AGBL4: variants seen among roughly 807,000 people sequenced by gnomAD.
AGBL4 encodes cytosolic carboxypeptidase 6.
Under a neutral mutation model 66.4 loss-of-function variants are expected in AGBL4, and 58 were observed. That is an observed-to-expected ratio of 0.87 (90% CI 0.71 to 1.09). The LOEUF (loss-of-function observed/expected upper bound fraction) is 1.09. Among genes scored for constraint, AGBL4 ranks in the 50% least tolerant of loss-of-function variants. AGBL4 has a pLI of 0.00. For missense variants in AGBL4, 579 were observed against 631.0 expected, an observed-to-expected ratio of 0.92 and a Z score of 0.88; for synonymous variants, 234 against 222.9, an observed-to-expected ratio of 1.05 and a Z score of -0.44.
chr1:49,044,774 CA>C (rs1454856763), intron 5 of AGBL4, among the ~76,000 whole-genome samples: 21 of 152,272 alleles, frequency 1.4e-4, no homozygotes, highest in African/African-American at 3.8e-4. Flanking sequence ...TGATAGCTCT[CA>C]AGATGGAAGG....
chr1:49,398,301 G>GAGTC (rs1198665431), intron 3 of AGBL4, among the ~76,000 whole-genome samples: 1 of 150,240 alleles, frequency 6.7e-6, no homozygotes, highest in African/African-American at 2.4e-5. Flanking sequence ...GGCAAAGGAA[G>GAGTC]AGTCAGTCAG....
chr1:49,419,122 C>T (rs1221838734), intron 3 of AGBL4, among the ~76,000 whole-genome samples: 1 of 152,050 alleles, frequency 6.6e-6, no homozygotes, highest in African/African-American at 2.4e-5. Flanking sequence ...TTCTTCTTTA[C>T]AATACCAAAG....
intron 4 of AGBL4, among the ~76,000 whole-genome samples, chr1:49,124,235 A>T (rs529189690): frequency 6.6e-6 from 1 of 152,350 alleles, no homozygotes; most frequent in African/African-American, 2.4e-5. Context: ...GAGAAAAATT[A>T]ATTAAACTAT....
intron 3 of AGBL4, among the ~76,000 whole-genome samples, chr1:49,260,546 C>T (rs1228077810): frequency 2.0e-5 from 3 of 151,958 alleles, no homozygotes; most frequent in South Asian, 2.1e-4. Context: ...ACAAATAAAC[C>T]AGAAAATCTA....
At chr1:49,655,152 T>C (rs1646097247) in intron 3 of AGBL4, among the ~76,000 whole-genome samples, 1 of 152,184 alleles carries the variant, frequency 6.6e-6, no homozygotes, top group Non-Finnish European at 1.5e-5. Flanking sequence ...TCTCTCAGCA[T>C]TTGCTTGTCT....
At chr1:49,802,155 G>A (rs1170698757) in intron 2 of AGBL4, among the ~76,000 whole-genome samples, 1 of 152,194 alleles carries the variant, frequency 6.6e-6, no homozygotes, top group Non-Finnish European at 1.5e-5. Flanking sequence ...TGGACGTGCA[G>A]TCAGGGAGTT....
chr1:48,567,095 T>C (rs554586624), intron 11 of AGBL4, among the ~76,000 whole-genome samples: 1 of 152,352 alleles, frequency 6.6e-6, no homozygotes, highest in African/African-American at 2.4e-5. Context: ...TCTGTTTACC[T>C]TCATCAGGTC....
chr1:49,538,493 C>T (rs764569908), intron 3 of AGBL4, among the ~76,000 whole-genome samples: 46 of 152,218 alleles, frequency 3.0e-4, no homozygotes, highest in South Asian at 2.1e-4. Context: ...GCAATATATC[C>T]GTGTAACAAA....
At chr1:49,348,648 A>G (rs1479223913) in intron 3 of AGBL4, among the ~76,000 whole-genome samples, 1 of 152,194 alleles carries the variant, frequency 6.6e-6, no homozygotes, top group East Asian at 1.9e-4. Context: ...TTTTGGCCCA[A>G]TTATATGGAT....
chr1:49,041,604 G>A (rs1184329626), intron 5 of AGBL4, among the ~76,000 whole-genome samples: 3 of 152,042 alleles, frequency 2.0e-5, no homozygotes, highest in Non-Finnish European at 4.4e-5. Context: ...TGGTCTTAAC[G>A]AAGAAACTTA....
intron 3 of AGBL4, among the ~76,000 whole-genome samples, chr1:49,316,363 G>A (rs1645038874): frequency 6.6e-6 from 1 of 151,878 alleles, no homozygotes; most frequent in African/African-American, 2.4e-5. Context: ...GGAGTGGTGA[G>A]GGGGTAAACA....
chr1:48,927,109 C>T (rs1654643067), intron 5 of AGBL4, among the ~76,000 whole-genome samples: 1 of 152,080 alleles, frequency 6.6e-6, no homozygotes, highest in Non-Finnish European at 1.5e-5. Flanking sequence ...GGAGGCAGGT[C>T]AATGGCTTAC....
chr1:49,882,476 G>T (rs1378489980), intron 1 of AGBL4, among the ~76,000 whole-genome samples: 1 of 151,432 alleles, frequency 6.6e-6, no homozygotes, highest in African/African-American at 2.4e-5. Flanking sequence ...AATTACCTTG[G>T]GCAGTATGGC....
At chr1:49,084,701 C>T (rs1166165605) in intron 4 of AGBL4, among the ~76,000 whole-genome samples, 1 of 152,174 alleles carries the variant, frequency 6.6e-6, no homozygotes, top group African/African-American at 2.4e-5. Context: ...GAAACCATGT[C>T]TGGTAACCTG....
chr1:49,618,618 G>A (rs1357898036), intron 3 of AGBL4, among the ~76,000 whole-genome samples: 3 of 152,150 alleles, frequency 2.0e-5, no homozygotes, highest in Admixed American at 6.5e-5. Flanking sequence ...TTCATTTTAT[G>A]AGGCCAGCAT....
At chr1:49,798,632 GTT>G (rs1644786871) in intron 2 of AGBL4, among the ~76,000 whole-genome samples, 1 of 152,082 alleles carries the variant, frequency 6.6e-6, no homozygotes, top group East Asian at 1.9e-4. Flanking sequence ...CATATTTAAT[GTT>G]TAAGTTCCTT....
At chr1:48,669,467 G>T (rs1646242187) in intron 6 of AGBL4, among the ~76,000 whole-genome samples, 1 of 152,022 alleles carries the variant, frequency 6.6e-6, no homozygotes, top group South Asian at 2.1e-4. Flanking sequence ...TCTCCCTCCA[G>T]TTATGACAAT....
At chr1:49,022,689 A>G (rs925688654) in intron 5 of AGBL4, among the ~76,000 whole-genome samples, 10 of 151,892 alleles carry the variant, frequency 6.6e-5, no homozygotes, top group Admixed American at 2.0e-4. Context: ...ATGTGAACTT[A>G]CTCTTCTTGG....
chr1:49,538,082 A>G (rs1053676298), intron 3 of AGBL4, among the ~76,000 whole-genome samples: 1 of 152,242 alleles, frequency 6.6e-6, no homozygotes, highest in Non-Finnish European at 1.5e-5. Context: ...TTGATCTAGG[A>G]ATCTCACTAC....
Sources: allele counts gnomAD v4.1 joint callset (sites outside exome capture counted in the v4.1 genomes callset), GRCh38; gene constraint gnomAD v4.1.1; transcripts MANE v1.5; gene names NCBI Gene and HGNC (gene_info 2026-07-23, HGNC 2026-07-21).